The following MMP16 variants were observed in gnomAD, a reference collection of about 807,000 sequenced individuals.
The protein encoded by MMP16 is matrix metalloproteinase-16.
MMP16 carries 12 observed loss-of-function variants against 67.8 expected under a neutral mutation model. That is an observed-to-expected ratio of 0.18 (90% CI 0.11 to 0.29). The LOEUF is 0.29. Among genes scored for constraint, MMP16 ranks in the 10% least tolerant of loss-of-function variants. The probability of loss-of-function intolerance (pLI) is 1.00; values close to 1 mark genes in which losing one functional copy is unlikely to be tolerated. For synonymous variants in MMP16, 249 were observed against 255.9 expected (o/e 0.97, Z 0.26); for missense variants, 475 against 765.7 (o/e 0.62, Z 4.48).
intron 8 of MMP16, among the ~76,000 whole-genome samples, chr8:88,051,859 A>T (rs79168111): frequency 2.1e-3 from 325 of 152,280 alleles, no homozygotes; most frequent in South Asian, 3.5e-3. Flanking sequence ...GAAACATAGC[A>T]TTTTAAGCTA....
chr8:88,324,387 TC>T (rs1428673788), intron 1 of MMP16, among the ~76,000 whole-genome samples: 6 of 151,884 alleles, frequency 4.0e-5, no homozygotes, highest in Non-Finnish European at 7.4e-5. Context: ...ATCCCCCACT[TC>T]CCTGGGAAAA....
intron 1 of MMP16, among the ~76,000 whole-genome samples, chr8:88,311,313 T>A (rs1356355468): frequency 1.3e-5 from 2 of 152,160 alleles, no homozygotes; most frequent in African/African-American, 4.8e-5. Flanking sequence ...CAAAGTTTGA[T>A]CCAGGAACCT....
chr8:88,119,013 C>A, intron 4 of MMP16, 152 bp from the exon 5 acceptor site: 1 of 757,240 alleles, frequency 1.3e-6, no homozygotes, highest in South Asian at 2.0e-5. Flanking sequence ...GGCTTTCCTA[C>A]TGGCAAAAAT....
chr8:88,168,683 A>AT (rs993522238), intron 3 of MMP16, among the ~76,000 whole-genome samples: 81 of 152,116 alleles, frequency 5.3e-4, no homozygotes, highest in African/African-American at 1.8e-3. Flanking sequence ...TCAGATGTTT[A>AT]TTTTTTTCTC....
At position 88,103,324 on chromosome 8, in the gene MMP16, T is replaced by C. The variant is rs564215507; in HGVS notation, c.1083+13183A>G. 7.4e-4 allele frequency among the ~76,000 whole-genome samples: 113 copies of C among 151,974 alleles called. 1 individual carries two copies. Among genetic ancestry groups the C allele is most frequent in the Middle Eastern group, 3.4e-3 (1 of 294 alleles). Reference sequence around the variant, plus strand: ...TAGTTACTGGTACTTTGCTAAACTATTTTCTTCCTGAGGGAAAGAATAAGA... The same window carrying C: ...TAGTTACTGGTACTTTGCTAAACTACTTTCTTCCTGAGGGAAAGAATAAGA... On this transcript the variant is annotated intron_variant, in intron 6 of 9. Transcript: ENST00000286614.
intron 1 of MMP16, among the ~76,000 whole-genome samples, chr8:88,222,683 C>A (rs1306749776): frequency 6.6e-6 from 1 of 152,104 alleles, no homozygotes; most frequent in Non-Finnish European, 1.5e-5. Context: ...ACACCTTATA[C>A]AAAAATTAAT....
chr8:88,123,132 T>C (rs1807868228), intron 4 of MMP16, among the ~76,000 whole-genome samples: 2 of 151,976 alleles, frequency 1.3e-5, no homozygotes, highest in South Asian at 2.1e-4. Flanking sequence ...TATTTAGCAA[T>C]AGATAAATGC....
At chr8:88,111,379 C>T (rs956499026) in intron 6 of MMP16, among the ~76,000 whole-genome samples, 3 of 151,710 alleles carry the variant, frequency 2.0e-5, no homozygotes, top group African/African-American at 7.2e-5. Context: ...CCTTCTGCTG[C>T]TCTACATACT....
chr8:88,131,541 G>C (rs760301438), intron 4 of MMP16, among the ~76,000 whole-genome samples: 6 of 151,740 alleles, frequency 4.0e-5, no homozygotes, highest in Non-Finnish European at 7.4e-5. Context: ...GGAATTTACT[G>C]TGCTCTGCTA....
At chr8:88,160,992 A>T (rs1468692681) in intron 4 of MMP16, among the ~76,000 whole-genome samples, 1 of 152,130 alleles carries the variant, frequency 6.6e-6, no homozygotes, top group African/African-American at 2.4e-5. Context: ...CATCAGGGAT[A>T]TTGGTCTAAA....
chr8:88,308,589 C>A (rs1480930294), intron 1 of MMP16, among the ~76,000 whole-genome samples: 1 of 152,010 alleles, frequency 6.6e-6, no homozygotes, highest in Non-Finnish European at 1.5e-5. Context: ...AGTGTTGAAG[C>A]ACCTGTTCAG....
At chr8:88,163,059 G>C (rs910861066) in intron 4 of MMP16, among the ~76,000 whole-genome samples, 1 of 152,054 alleles carries the variant, frequency 6.6e-6, no homozygotes, top group Non-Finnish European at 1.5e-5. Context: ...GCTGTAAAAT[G>C]AGCAGGAAAG....
At chr8:88,054,770 G>GT (rs1263800369) in intron 8 of MMP16, among the ~76,000 whole-genome samples, 2 of 152,138 alleles carry the variant, frequency 1.3e-5, no homozygotes, top group African/African-American at 4.8e-5. Flanking sequence ...AAAGCTTAAT[G>GT]TTTGAAACCA....
intron 5 of MMP16, among the ~76,000 whole-genome samples, chr8:88,118,463 CAGTA>C (rs570804050): frequency 6.9e-4 from 105 of 152,090 alleles, no homozygotes; most frequent in African/African-American, 1.6e-3. Context: ...CAACCAAACT[CAGTA>C]AGTAAGAAAA....
At chr8:88,231,945 G>A (rs1318573452) in intron 1 of MMP16, among the ~76,000 whole-genome samples, 1 of 151,974 alleles carries the variant, frequency 6.6e-6, no homozygotes, top group Non-Finnish European at 1.5e-5. Context: ...CAAAACATTT[G>A]AGATTCTAAC....
chr8:88,075,535 C>T (rs1191713958), intron 6 of MMP16, among the ~76,000 whole-genome samples: 1 of 151,762 alleles, frequency 6.6e-6, no homozygotes. Flanking sequence ...GCAAAAAAAC[C>T]CAAAAACAAA....
At chr8:88,273,448 G>C (rs1810598636) in intron 1 of MMP16, among the ~76,000 whole-genome samples, 1 of 151,918 alleles carries the variant, frequency 6.6e-6, no homozygotes, top group African/African-American at 2.4e-5. Context: ...CTTGACCCAG[G>C]AACATGCCAT....
At chr8:88,298,665 C>T (rs1811048856) in intron 1 of MMP16, among the ~76,000 whole-genome samples, 1 of 152,122 alleles carries the variant, frequency 6.6e-6, no homozygotes, top group Non-Finnish European at 1.5e-5. Context: ...CACATGGAAG[C>T]GTGAGACCTC....
intron 6 of MMP16, among the ~76,000 whole-genome samples, chr8:88,079,527 C>T (rs1158576850): frequency 1.3e-5 from 2 of 152,118 alleles, no homozygotes. Flanking sequence ...GACAACTGTA[C>T]TTTAAATGTT....
Sources: allele counts gnomAD v4.1 joint callset (sites outside exome capture counted in the v4.1 genomes callset), GRCh38; gene constraint gnomAD v4.1.1; transcripts MANE v1.5; gene names NCBI Gene and HGNC (gene_info 2026-07-23, HGNC 2026-07-21).